Variants in ARHGAP24 observed in about 807,000 individuals in gnomAD.
ARHGAP24 encodes Rho GTPase activating protein 24.
Under a neutral mutation model 76.4 loss-of-function variants are expected in ARHGAP24, and 50 were observed. The observed-to-expected ratio is 0.65, with a 90% CI of 0.52 to 0.83. The LOEUF (loss-of-function observed/expected upper bound fraction) is 0.83, where lower values mean the gene tolerates loss of function less well. Ranked by LOEUF, ARHGAP24 falls within the 40% of genes least tolerant of loss-of-function variation. The probability of loss-of-function intolerance (pLI) is 0.00; values close to 1 mark genes in which losing one functional copy is unlikely to be tolerated. For synonymous variants in ARHGAP24, 345 were observed against 323.3 expected, an observed-to-expected ratio of 1.07 and a Z score of -0.72; for missense variants, 930 against 914.2, an observed-to-expected ratio of 1.02 and a Z score of -0.22.
At chr4:85,984,607 A>C (rs925996644) in intron 8 of ARHGAP24, among the ~76,000 whole-genome samples, 2 of 152,186 alleles carry the variant, frequency 1.3e-5, no homozygotes. Context: ...TTCAGTCTTT[A>C]GCAGAAAGAA....
At chr4:85,564,377 A>ATG (rs1726723701) in intron 1 of ARHGAP24, among the ~76,000 whole-genome samples, 1 of 142,492 alleles carries the variant, frequency 7.0e-6, no homozygotes, top group African/African-American at 2.7e-5. Flanking sequence ...GGAACATCAC[A>ATG]CACCGGGGCC....
chr4:85,857,761 G>A (rs1731668769), intron 3 of ARHGAP24, among the ~76,000 whole-genome samples: 2 of 152,096 alleles, frequency 1.3e-5, no homozygotes, highest in Non-Finnish European at 2.9e-5. Flanking sequence ...ACAATATTAA[G>A]AGAAATAGTT....
At chr4:85,891,008 G>A (rs72970100) in intron 3 of ARHGAP24, among the ~76,000 whole-genome samples, 1,597 of 152,070 alleles carry the variant, frequency 0.011, 20 homozygotes, top group East Asian at 0.032. Context: ...TATTAGAGAC[G>A]GGGTAACCAT....
chr4:85,880,101 A>T (rs1733160296), intron 3 of ARHGAP24, among the ~76,000 whole-genome samples: 1 of 152,182 alleles, frequency 6.6e-6, no homozygotes, highest in Non-Finnish European at 1.5e-5. Flanking sequence ...CATACCTATG[A>T]TAGAGTTTCA....
rs1418785069 is a variant in ARHGAP24, at chr4:85,558,706, G to A, written c.-20-11816G>A. 3.9e-5 allele frequency among the ~76,000 whole-genome samples: 6 copies of A among 152,188 alleles called. No individual in the cohort carries two copies. The East Asian group carries it at 1.2e-3, about 29-fold the overall frequency. On this transcript the variant is annotated intron_variant, in intron 1 of 9. Transcript: ENST00000395184. ...AGCCTAATCATTTTGCTAGGCTTTA[G>A]AGCAAGCCTGACGATGTTCCACCCA... is the stretch of plus-strand genomic sequence containing the variant.
chr4:85,884,353 G>C (rs1211525155), intron 3 of ARHGAP24, among the ~76,000 whole-genome samples: 1 of 152,152 alleles, frequency 6.6e-6, no homozygotes, highest in Non-Finnish European at 1.5e-5. Context: ...AGACCAATGG[G>C]ACAGTAAACC....
Position 85,838,531 on chromosome 4 carries a change from G to A in ARHGAP24, c.269-85117G>A, listed in dbSNP as rs541699088. Among the ~76,000 whole-genome samples the A allele has an allele frequency of 1.2e-4, 18 of 152,252 alleles. No individual in the cohort carries two copies. The South Asian group carries it at 2.5e-3, about 21-fold the overall frequency. On this transcript the variant is annotated intron_variant, in intron 3 of 9. Coordinates refer to ENST00000395184, the MANE Select transcript of ARHGAP24 (RefSeq NM_001025616.3). ...GGAGAATGGTGTGAACCCAGGAGGC[G>A]GAGCTGGCAGTGAGCCGAGATCACG... is the stretch of plus-strand genomic sequence containing the variant.
At chr4:85,538,768 G>A (rs1203679246) in intron 1 of ARHGAP24, among the ~76,000 whole-genome samples, 1 of 152,142 alleles carries the variant, frequency 6.6e-6, no homozygotes, top group South Asian at 2.1e-4. Context: ...GTATAGAGAT[G>A]TGTATACCTA....
chr4:85,790,173 C>T (rs887975706), intron 3 of ARHGAP24, among the ~76,000 whole-genome samples: 4 of 152,134 alleles, frequency 2.6e-5, no homozygotes, highest in Admixed American at 6.5e-5. Flanking sequence ...CCATGGACCA[C>T]ACTTTGGAAA....
chr4:86,000,294 C>A, intron 9 of ARHGAP24, 185 bp from the exon 10 acceptor site: 1 of 520,696 alleles, frequency 1.9e-6, no homozygotes, highest in Non-Finnish European at 3.5e-6. Context: ...ATCATCTTAG[C>A]AAACAGTAAA....
rs187001208 is a variant in ARHGAP24 at position 85,972,064 on chromosome 4, C to G, written c.628C>G (p.Leu210Val). The change falls in exon 6 of 10, where the codon CTT becomes GTT. Residue 210 changes from leucine to valine, a missense_variant. Coordinates refer to ENST00000395184, the MANE Select transcript of ARHGAP24 (RefSeq NM_001025616.3). ...CACAGATGTACACACGGTGGCATCACTTCTTAAGCTGTACCTCCGAGAACT... is the reference window on the plus strand; with the variant it reads ...CACAGATGTACACACGGTGGCATCAGTTCTTAAGCTGTACCTCCGAGAACT... Reference protein sequence around the residue: ...SNTDVHTVASLLKLYLRELPE... With the variant: ...SNTDVHTVASVLKLYLRELPE... 5.6e-6 allele frequency: 9 copies of G among 1,613,940 alleles called. No individual in the cohort carries two copies. Among genetic ancestry groups the G allele is most frequent in the African/African-American group, 1.3e-5 (1 of 74,906 alleles).
chr4:85,842,872 A>C (rs1730684165), intron 3 of ARHGAP24, among the ~76,000 whole-genome samples: 1 of 152,162 alleles, frequency 6.6e-6, no homozygotes, highest in Non-Finnish European at 1.5e-5. Flanking sequence ...TCCCACTTTG[A>C]TGGTGGGGTG....
In ARHGAP24 at chr4:85,691,046, T is replaced by C. The variant is rs143952803; in HGVS notation, c.181-30839T>C. Among the ~76,000 whole-genome samples the C allele has an allele frequency of 5.2e-3, 787 of 152,166 alleles. 6 individuals carry two copies. The highest frequency in any genetic ancestry group is 0.018 in the African/African-American group (743 of 41,538). ...CCCAGAGATTTTGGTAAGTTGCATC[T>C]CTATTTTCATTAGCTTCAAATAATT... On this transcript the variant is annotated intron_variant, in intron 2 of 9. Transcript: ENST00000395184.
chr4:85,790,501 G>A (rs997623465), intron 3 of ARHGAP24, among the ~76,000 whole-genome samples: 1 of 152,062 alleles, frequency 6.6e-6, no homozygotes, highest in Non-Finnish European at 1.5e-5. Context: ...ATATGAAAAT[G>A]GTTTCAATTT....
At position 85,910,243 on chromosome 4, in the gene ARHGAP24, C is replaced by T. The variant is rs527309238; in HGVS notation, c.269-13405C>T. The stretch of plus-strand genomic sequence containing the variant: ...CCAAAGAGGGAGTCACAGCCCTGGC[C>T]TGGGGAACTCCCAAGTCTGAGCTCC... On this transcript the variant is annotated intron_variant, in intron 3 of 9. Transcript: ENST00000395184. Among the ~76,000 whole-genome samples, 28 of 152,290 alleles carry T rather than the reference C, an allele frequency of 1.8e-4. No individual in the cohort carries two copies. In the East Asian group the frequency reaches 5.4e-3, roughly 30 times the overall value.
chr4:85,773,778 A>G (rs970331880), intron 3 of ARHGAP24, among the ~76,000 whole-genome samples: 2 of 152,196 alleles, frequency 1.3e-5, no homozygotes, highest in Non-Finnish European at 2.9e-5. Context: ...GGAAATTTCT[A>G]TTCTGAATAA....
chr4:85,505,341 GTCACTT>G (rs1724001592), intron 1 of ARHGAP24, among the ~76,000 whole-genome samples: 1 of 152,108 alleles, frequency 6.6e-6, no homozygotes, highest in Admixed American at 6.6e-5. Flanking sequence ...CATTCTCCCT[GTCACTT>G]TCAGGTACAC....
intron 3 of ARHGAP24, among the ~76,000 whole-genome samples, chr4:85,871,460 G>T (rs147006463): frequency 6.8e-4 from 103 of 152,054 alleles, no homozygotes; most frequent in Non-Finnish European, 1.2e-3. Context: ...CAACTGTTTT[G>T]TAACATCACT....
chr4:85,736,551 G>A (rs1725614822), intron 3 of ARHGAP24, among the ~76,000 whole-genome samples: 1 of 152,136 alleles, frequency 6.6e-6, no homozygotes. Context: ...CAATGAGCAA[G>A]ATATTATGTG....
Sources: gnomAD v4.1 joint callset for allele counts (sites outside exome capture counted in the v4.1 genomes callset) on GRCh38, gnomAD v4.1.1 for gene constraint, MANE v1.5 for transcripts, NCBI Gene and HGNC (gene_info 2026-07-23, HGNC 2026-07-21) for gene names.